WDR49: variants seen among roughly 807,000 people sequenced by gnomAD.
The protein encoded by WDR49 is cilia- and flagella-associated protein 337.
In WDR49, 107 loss-of-function variants were observed where a neutral mutation model predicts 119.5. That is an observed-to-expected ratio of 0.90 (90% CI 0.77 to 1.05). WDR49 has a LOEUF of 1.05. Ranked by LOEUF, WDR49 falls within the 50% of genes least tolerant of loss-of-function variation. The pLI, the probability that WDR49 is intolerant of heterozygous loss-of-function variation, is 0.00. For missense variants in WDR49, 1,240 were observed against 1,220.5 expected (o/e 1.02, Z -0.24); for synonymous variants, 425 against 418.8 (o/e 1.01, Z -0.18).
intron 17 of WDR49, among the ~76,000 whole-genome samples, chr3:167,504,341 G>A (rs767934652): frequency 9.8e-5 from 15 of 152,306 alleles, no homozygotes; most frequent in Admixed American, 5.9e-4. Flanking sequence ...GCCCACCCCT[G>A]GTGCCACTGT....
At chr3:167,614,958 C>CA (rs1449906268) in intron 5 of WDR49, among the ~76,000 whole-genome samples, 3 of 152,148 alleles carry the variant, frequency 2.0e-5, no homozygotes, top group African/African-American at 7.2e-5. Flanking sequence ...GAACAGAATC[C>CA]AAAACAACTA....
At chr3:167,571,184 C>T (rs1203875705) in intron 8 of WDR49, among the ~76,000 whole-genome samples, 4 of 152,022 alleles carry the variant, frequency 2.6e-5, no homozygotes, top group African/African-American at 9.7e-5. Context: ...CCTCAAGAAA[C>T]AGCATCACTC....
At chr3:167,604,146 A>G (rs1560308785) in intron 6 of WDR49, among the ~76,000 whole-genome samples, 155 bp downstream of exon 6, 2 of 152,158 alleles carry the variant, frequency 1.3e-5, no homozygotes, top group Admixed American at 1.3e-4. Context: ...ATCATAATGC[A>G]TCATTATCAG....
intron 7 of WDR49, among the ~76,000 whole-genome samples, chr3:167,587,636 C>T (rs932219345): frequency 6.6e-6 from 1 of 152,066 alleles, no homozygotes; most frequent in Admixed American, 6.5e-5. Flanking sequence ...CAGGTGTGCG[C>T]CACCATGCCC....
chr3:167,542,269 T>C (rs561876666), intron 10 of WDR49, among the ~76,000 whole-genome samples: 8 of 152,204 alleles, frequency 5.3e-5, no homozygotes, highest in African/African-American at 1.9e-4. Flanking sequence ...AATTAAACTA[T>C]ACCCTAGAAC....
At chr3:167,486,726 C>T (rs1341157452) in intron 18 of WDR49, among the ~76,000 whole-genome samples, 1 of 152,024 alleles carries the variant, frequency 6.6e-6, no homozygotes, top group Middle Eastern at 3.2e-3. Context: ...CATCGAGATT[C>T]ATAAAACAAG....
At chr3:167,640,964 C>A (rs1717854749) in intron 2 of WDR49, among the ~76,000 whole-genome samples, 1 of 151,778 alleles carries the variant, frequency 6.6e-6, no homozygotes, top group Non-Finnish European at 1.5e-5. Flanking sequence ...ACCTACTTCC[C>A]AAAAACCTTC....
At position 167,529,172 on chromosome 3, in the gene WDR49, T is replaced by G; in HGVS notation, c.2286A>C (p.Gln762His). 1 of 1,612,118 alleles carries G rather than the reference T, an allele frequency of 6.2e-7. No homozygotes were observed. Among genetic ancestry groups the G allele is most frequent in the Non-Finnish European group, 8.5e-7 (1 of 1,179,244 alleles). Reference sequence around the variant, plus strand: ...TATGAGCCAAAAATTCAGCCAGAAGTTGCTTCTTATATATATCCCAAAATC... The same window carrying G: ...TATGAGCCAAAAATTCAGCCAGAAGGTGCTTCTTATATATATCCCAAAATC... ...YVRFWDIYKK[Q>H]LLAEFLAHSG... The change falls in exon 14 of 19, where the codon CAA becomes CAC. Residue 762 changes from glutamine to histidine, a missense_variant. Coordinates refer to ENST00000682715, the MANE Select transcript of WDR49 (RefSeq NM_001366157.1).
At chr3:167,619,654 A>G (rs1483443057) in intron 5 of WDR49, among the ~76,000 whole-genome samples, 1 of 152,158 alleles carries the variant, frequency 6.6e-6, no homozygotes, top group African/African-American at 2.4e-5. Context: ...AATAACATTA[A>G]TCTCATCTAA....
intron 16 of WDR49, among the ~76,000 whole-genome samples, chr3:167,522,020 T>A (rs199945941): frequency 8.6e-6 from 1 of 116,482 alleles, no homozygotes; most frequent in South Asian, 2.9e-4. Flanking sequence ...ATAGATAGAT[T>A]GTTTTTGAAG....
intron 15 of WDR49, among the ~76,000 whole-genome samples, chr3:167,524,753 C>A (rs572652497): frequency 3.9e-5 from 6 of 151,992 alleles, no homozygotes; most frequent in African/African-American, 1.5e-4. Context: ...CTGTTCTATT[C>A]CATTGGTCTC....
At chr3:167,639,045 C>A (rs1006089057) in intron 2 of WDR49, among the ~76,000 whole-genome samples, 8 of 151,670 alleles carry the variant, frequency 5.3e-5, no homozygotes, top group Non-Finnish European at 1.0e-4. Flanking sequence ...TGAAATTCTT[C>A]AATATCTGCT....
At chr3:167,603,605 AC>A (rs1308685244) in intron 6 of WDR49, among the ~76,000 whole-genome samples, 3 of 152,072 alleles carry the variant, frequency 2.0e-5, no homozygotes, top group Non-Finnish European at 2.9e-5. Context: ...CTCTGTAACT[AC>A]CCTATTAATT....
chr3:167,644,365 A>G (rs1337418433), intron 2 of WDR49, among the ~76,000 whole-genome samples: 1 of 152,066 alleles, frequency 6.6e-6, no homozygotes, highest in African/African-American at 2.4e-5. Context: ...ATTTGCTATA[A>G]CTTGCCCCAC....
intron 10 of WDR49, among the ~76,000 whole-genome samples, chr3:167,540,693 C>T (rs906619550): frequency 1.3e-5 from 2 of 151,726 alleles, no homozygotes; most frequent in African/African-American, 4.8e-5. Context: ...TGAATCCAAA[C>T]CAAGAAGAAA....
chr3:167,630,125 T>A (rs1216692428), intron 2 of WDR49, among the ~76,000 whole-genome samples: 1 of 152,082 alleles, frequency 6.6e-6, no homozygotes, highest in Non-Finnish European at 1.5e-5. Flanking sequence ...AAATCTTTCA[T>A]GAAAGGAAGA....
chr3:167,600,539 T>C lies in WDR49; in HGVS notation c.1275+1588A>G, dbSNP rs79196316. Among the ~76,000 whole-genome samples, 1,720 of 152,202 alleles carry C rather than the reference T, an allele frequency of 0.011. 92 individuals are homozygous for C. The East Asian group carries it at 0.17, about 15-fold the overall frequency. On this transcript the variant is annotated intron_variant, in intron 7 of 18. Transcript: ENST00000682715. ...ATAGTTGTTAAATTTGGTGTTCCTA[T>C]TGGGGGAGACCATTGGTGGGGCTTT...
At chr3:167,479,145 A>G (rs1022577304) in intron 18 of WDR49, 149 bp from the exon 19 acceptor site, 3 of 616,202 alleles carry the variant, frequency 4.9e-6, no homozygotes, top group African/African-American at 3.8e-5. Flanking sequence ...ATTTTCTCTA[A>G]GCTTCTGCTA....
At chr3:167,553,533 T>C (rs1712705014) in intron 10 of WDR49, among the ~76,000 whole-genome samples, 1 of 152,180 alleles carries the variant, frequency 6.6e-6, no homozygotes, top group East Asian at 1.9e-4. Flanking sequence ...TTGACTTGAA[T>C]TGATTATTTT....
Sources: allele counts gnomAD v4.1 joint callset (sites outside exome capture counted in the v4.1 genomes callset), GRCh38; gene constraint gnomAD v4.1.1; transcripts MANE v1.5; gene names NCBI Gene and HGNC (gene_info 2026-07-23, HGNC 2026-07-21).